TAF1: variants seen among roughly 807,000 people sequenced by gnomAD.
TAF1 encodes the protein TATA-box binding protein associated factor 1.
A neutral mutation model predicts 138.5 loss-of-function variants in TAF1; 2 were observed. The ratio of observed to expected loss-of-function variants is 0.01; its 90% CI spans 0.01 to 0.05. The LOEUF (loss-of-function observed/expected upper bound fraction) is 0.05. Among genes scored for constraint, TAF1 ranks in the 10% least tolerant of loss-of-function variants. TAF1 has a pLI of 1.00. For synonymous variants in TAF1, 437 were observed against 503.2 expected (o/e 0.87, Z 1.76); for missense variants, 709 against 1,478.0 (o/e 0.48, Z 8.53).
At chrX:71,524,940 C>CAAAAA in intron 13 of TAF1, among the ~76,000 whole-genome samples, 1 of 55,446 alleles carries the variant, frequency 1.8e-5, no homozygotes, top group East Asian at 4.4e-4. Context: ...GACTCTGTCT[C>CAAAAA]AAAAAAAAAA....
intron 34 of TAF1, among the ~76,000 whole-genome samples, chrX:71,457,433 A>G (rs962121774): frequency 1.8e-5 from 2 of 112,513 alleles, no homozygotes; most frequent in Admixed American, 9.4e-5. Flanking sequence ...AAATTGATCA[A>G]TATGGTTTTG....
chrX:71,485,333 T>C (rs2039151610), intron 13 of TAF1, among the ~76,000 whole-genome samples: 1 of 112,399 alleles, frequency 8.9e-6, no homozygotes, highest in Non-Finnish European at 1.9e-5. Flanking sequence ...TCAATTCATT[T>C]GAATATATAC....
chrX:71,510,687 T>C (rs2039714590), intron 13 of TAF1, among the ~76,000 whole-genome samples: 1 of 111,686 alleles, frequency 9.0e-6, no homozygotes, highest in Non-Finnish European at 1.9e-5. Flanking sequence ...CAGGTAGCAG[T>C]TAAAACAACA....
chrX:71,372,200 G>C (rs1163035956), intron 3 of TAF1, among the ~76,000 whole-genome samples: 1 of 110,749 alleles, frequency 9.0e-6, no homozygotes, highest in Non-Finnish European at 1.9e-5. Context: ...GGGAGGCTGA[G>C]GTGGACGGAT....
chrX:71,453,307 C>A (rs1391215404), intron 32 of TAF1, among the ~76,000 whole-genome samples: 1 of 111,059 alleles, frequency 9.0e-6, no homozygotes, highest in Non-Finnish European at 1.9e-5. Flanking sequence ...GCCTGTAATC[C>A]CAGCACTTTG....
intron 32 of TAF1, among the ~76,000 whole-genome samples, chrX:71,448,599 A>G (rs1337772467): frequency 8.9e-6 from 1 of 111,748 alleles, no homozygotes; most frequent in African/African-American, 3.2e-5. Context: ...AGCATATTTC[A>G]TTAGAAAGAC....
At chrX:71,509,815 T>G (rs1463423595) in intron 13 of TAF1, among the ~76,000 whole-genome samples, 2 of 109,620 alleles carry the variant, frequency 1.8e-5, no homozygotes, top group Non-Finnish European at 3.8e-5. Context: ...CTACTAAAAA[T>G]ACAAAAATTA....
At chrX:71,471,152 C>T (rs965110848) in intron 13 of TAF1, among the ~76,000 whole-genome samples, 1 of 107,417 alleles carries the variant, frequency 9.3e-6, no homozygotes, top group African/African-American at 3.4e-5. Context: ...CCCGTCTCTA[C>T]TAAAAATACA....
chrX:71,523,598 A>G (rs1015740986), intron 13 of TAF1, among the ~76,000 whole-genome samples: 2 of 112,281 alleles, frequency 1.8e-5, no homozygotes, highest in African/African-American at 3.2e-5. Context: ...GACAGAGAAC[A>G]GTATTTACAT....
At chrX:71,383,314 T>C in intron 12 of TAF1, 150 bp downstream of exon 12, 1 of 697,131 alleles carries the variant, frequency 1.4e-6, no homozygotes, top group African/African-American at 2.2e-5. Context: ...AATGTCTTTA[T>C]TGTTAGGTGA....
Position 71,464,713 on chromosome X carries a change from A to C in TAF1, c.*667A>C, listed in dbSNP as rs935322425. On this transcript the variant is annotated 3_prime_UTR_variant, in exon 38 of 38. Transcript: ENST00000423759. ...AGAGTGAGATTCAGTCTCAAAAAAA[A>C]AAAAATTTCCAAGCATGGTATCATC... 2.1e-4 allele frequency: 25 copies of C among 116,995 alleles called. No individual in the cohort carries two copies. Among genetic ancestry groups the C allele is most frequent in the Non-Finnish European group, 4.2e-4 (24 of 57,214 alleles). 9.6% of individuals were successfully genotyped at this position (116,995 alleles called of 1,213,427 possible).
At position 71,367,600 on chromosome X, in the gene TAF1, G is replaced by A. The variant is rs199527776; in HGVS notation, c.222G>A (p.Leu74=). 8.3e-7 allele frequency: 1 copy of A among 1,209,606 alleles called. No homozygotes were observed. The highest frequency in any genetic ancestry group is 1.8e-5 in the African/African-American group (1 of 57,105). ...NEELTGTDGA[L]VNDEGWVRST... is the part of the protein sequence containing the mutation. ...AATTGACCGGGACTGACGGTGCCTT[G>A]GTAAATGATGAAGGTGAAGTCTGGG... The change falls in exon 2 of 38, where the codon TTG becomes TTA. Residue 74 remains leucine, a synonymous_variant. Transcript: ENST00000423759.
chrX:71,455,436 A>G (rs2038236202), intron 34 of TAF1, among the ~76,000 whole-genome samples: 1 of 112,120 alleles, frequency 8.9e-6, no homozygotes, highest in Non-Finnish European at 1.9e-5. Flanking sequence ...AACCCTTGAA[A>G]TACACTAAGA....
At chrX:71,372,838 G>A (rs2033173108) in intron 3 of TAF1, among the ~76,000 whole-genome samples, 1 of 111,872 alleles carries the variant, frequency 8.9e-6, no homozygotes, top group African/African-American at 3.2e-5. Flanking sequence ...CATAATGGAA[G>A]TTTAGTAGTA....
At position 71,392,643 on chromosome X, in the gene TAF1, T is replaced by C; in HGVS notation, c.2856T>C (p.Thr952=). Reference sequence around the variant, plus strand: ...AGGGCAAGTGTCTGCTAGAGGTGACTGGGGTGGCAGATCCCACGGGGTGTG... The same window carrying C: ...AGGGCAAGTGTCTGCTAGAGGTGACCGGGGTGGCAGATCCCACGGGGTGTG... ...AMKGKCLLEV[T]GVADPTGCGE... is the part of the protein sequence containing the mutation. Residue 952 remains threonine (T), a synonymous_variant, in exon 19 of 38, where the codon ACT becomes ACC. Transcript: ENST00000423759. The C allele has an allele frequency of 8.3e-7, 1 of 1,210,345 alleles. No homozygotes were observed. Among genetic ancestry groups the C allele is most frequent in the East Asian group, 3.0e-5 (1 of 33,834 alleles).
intron 17 of TAF1, among the ~76,000 whole-genome samples, chrX:71,389,172 T>C (rs563028105): frequency 8.9e-6 from 1 of 111,866 alleles, no homozygotes; most frequent in South Asian, 3.7e-4. Context: ...AAGATAAGCA[T>C]ATAAGCAGGG....
intron 13 of TAF1, among the ~76,000 whole-genome samples, chrX:71,474,650 C>T (rs1358868869): frequency 1.8e-5 from 2 of 112,115 alleles, no homozygotes; most frequent in Non-Finnish European, 3.8e-5. Flanking sequence ...TCTCACGGAG[C>T]TTGCATTCCA....
downstream of TAF1, chrX:71,466,076 T>G (rs895395055): frequency 8.9e-6 from 1 of 111,826 alleles, no homozygotes; most frequent in Non-Finnish European, 1.9e-5. Flanking sequence ...ACTGGTGCTA[T>G]GGCATTGGGA....
intron 34 of TAF1, among the ~76,000 whole-genome samples, chrX:71,456,438 T>A (rs2038283059): frequency 9.0e-6 from 1 of 110,854 alleles, no homozygotes; most frequent in East Asian, 2.8e-4. Flanking sequence ...ACAAACAGTT[T>A]AAGATAGTAA....
Sources: allele counts gnomAD v4.1 joint callset (sites outside exome capture counted in the v4.1 genomes callset), GRCh38; gene constraint gnomAD v4.1.1; transcripts MANE v1.5; gene names NCBI Gene and HGNC (gene_info 2026-07-23, HGNC 2026-07-21).